The following PRPSAP1 variants were observed in gnomAD, a reference collection of about 807,000 sequenced individuals.
The protein encoded by PRPSAP1 is phosphoribosyl pyrophosphate synthase-associated protein 1.
Under a neutral mutation model 39.4 loss-of-function variants are expected in PRPSAP1, and 31 were observed. The observed-to-expected ratio is 0.79, with a 90% CI of 0.59 to 1.06. PRPSAP1 has a LOEUF of 1.06. Ranked by LOEUF, PRPSAP1 falls within the 50% of genes least tolerant of loss-of-function variation. The pLI is 0.00. For synonymous variants in PRPSAP1, 212 were observed against 192.6 expected (o/e 1.10, Z -0.83); for missense variants, 430 against 511.6 (o/e 0.84, Z 1.54).
intron 3 of PRPSAP1, among the ~76,000 whole-genome samples, chr17:76,342,170 G>A (rs1043171824): frequency 2.0e-5 from 3 of 152,110 alleles, no homozygotes; most frequent in Middle Eastern, 3.4e-3. Context: ...ATGTATATAC[G>A]ATGAGGCTCA....
chr17:76,330,174 C>T, intron 5 of PRPSAP1, 76 bp from the exon 6 acceptor site: 1 of 1,341,334 alleles, frequency 7.5e-7, no homozygotes, highest in Non-Finnish European at 1.1e-6. Flanking sequence ...TTCAAGTTTT[C>T]CCTCTTATAA....
At chr17:76,324,429 T>C (rs1446634384) in intron 7 of PRPSAP1, among the ~76,000 whole-genome samples, 2 of 151,624 alleles carry the variant, frequency 1.3e-5, no homozygotes, top group African/African-American at 2.4e-5. Flanking sequence ...TGAAACCCTG[T>C]CTCTACTAAA....
At chr17:76,346,382 C>T (rs2071501357) in intron 2 of PRPSAP1, among the ~76,000 whole-genome samples, 1 of 152,160 alleles carries the variant, frequency 6.6e-6, no homozygotes, top group African/African-American at 2.4e-5. Context: ...ACATGGCCAC[C>T]TCAGCACACA....
chr17:76,315,137 C>G (rs2071109380), intron 7 of PRPSAP1, among the ~76,000 whole-genome samples: 1 of 152,126 alleles, frequency 6.6e-6, no homozygotes, highest in Non-Finnish European at 1.5e-5. Context: ...AGACTTTTAT[C>G]TGACTGCAAA....
chr17:76,311,309 T>TA lies in PRPSAP1; in HGVS notation c.*232dup, dbSNP rs2071067794. On this transcript the variant is annotated 3_prime_UTR_variant, in exon 10 of 10. Coordinates refer to ENST00000446526, the MANE Select transcript of PRPSAP1 (RefSeq NM_002766.3). ...TTTTTAAGAAAGCAGCTAGAACTTT[T>TA]AAGGAACAGGGCTGATGACAGCAGA... 1 of 380,946 alleles carries TA rather than the reference T, an allele frequency of 2.6e-6. No homozygotes were observed. The highest frequency in any genetic ancestry group is 4.6e-6 in the Non-Finnish European group (1 of 216,554). The allele number at this position is 380,946 out of a possible 1,614,324, so 23.6% of individuals were successfully genotyped here. A position where few individuals can be genotyped will look rare whatever the true frequency, so the allele number is the denominator to read the frequency against.
chr17:76,328,733 T>G lies in PRPSAP1; in HGVS notation c.765A>C (p.Pro255=), dbSNP rs1567802594. ...TCATCTTACATGGCAACTCCAGGCCTGGGTGCACAGTAGCATTTTTGACCA... is the reference window on the plus strand; with the variant it reads ...TCATCTTACATGGCAACTCCAGGCCGGGGTGCACAGTAGCATTTTTGACCA... ...PPMVKNATVH[P]GLELPLMMAK... is the part of the protein sequence containing the mutation. Residue 255 remains proline, a synonymous_variant, in exon 7 of 10, where the codon CCA becomes CCC. Coordinates refer to ENST00000446526, the MANE Select transcript of PRPSAP1 (RefSeq NM_002766.3). The G allele has an allele frequency of 6.2e-7, 1 of 1,614,102 alleles. No homozygotes were observed.
chr17:76,338,991 C>A (rs1160514736), intron 3 of PRPSAP1, among the ~76,000 whole-genome samples: 1 of 151,650 alleles, frequency 6.6e-6, no homozygotes, highest in African/African-American at 2.4e-5. Flanking sequence ...CAAGGTCACA[C>A]CACTGCACTC....
chr17:76,328,629 CAAAA>C, intron 7 of PRPSAP1, 84 bp downstream of exon 7: 1 of 1,499,930 alleles, frequency 6.7e-7, no homozygotes, highest in Non-Finnish European at 9.0e-7. Context: ...CAAAACAAAA[CAAAA>C]CAACAACAAC....
intron 3 of PRPSAP1, among the ~76,000 whole-genome samples, chr17:76,339,039 AAAATT>A (rs1203990521): frequency 2.6e-4 from 39 of 151,948 alleles, no homozygotes; most frequent in African/African-American, 8.2e-4. Flanking sequence ...TCTCAAAAAA[AAAATT>A]AAATTAAATT....
intron 7 of PRPSAP1, among the ~76,000 whole-genome samples, chr17:76,316,646 T>C (rs1317286617): frequency 2.0e-5 from 3 of 152,234 alleles, no homozygotes; most frequent in Non-Finnish European, 4.4e-5. Flanking sequence ...TGCTCTCTCT[T>C]TCCATTTTAT....
Position 76,327,659 on chromosome 17 carries a change from A to T in PRPSAP1, c.781+1058T>A, listed in dbSNP as rs151266371. The stretch of plus-strand genomic sequence containing the variant: ...AGAGTGAGACTCCATCTCAAAATAA[A>T]TAAATAAGTAAAAATAAAAGTTACC... On this transcript the variant is annotated intron_variant, in intron 7 of 9. Coordinates refer to ENST00000446526, the MANE Select transcript of PRPSAP1 (RefSeq NM_002766.3). 2.6e-3 allele frequency among the ~76,000 whole-genome samples: 397 copies of T among 152,260 alleles called. 2 individuals carry two copies. The highest frequency in any genetic ancestry group is 9.3e-3 in the African/African-American group (387 of 41,534).
chr17:76,353,446 G>C, intron 1 of PRPSAP1, 88 bp downstream of exon 1: 1 of 1,283,796 alleles, frequency 7.8e-7, no homozygotes, highest in Non-Finnish European at 1.0e-6. Context: ...GCAGGAGGTG[G>C]GGCGGGTGGA....
At chr17:76,338,527 A>G (rs1475169273) in intron 3 of PRPSAP1, among the ~76,000 whole-genome samples, 2 of 151,852 alleles carry the variant, frequency 1.3e-5, no homozygotes, top group Non-Finnish European at 2.9e-5. Flanking sequence ...ACATGGAGAA[A>G]CCCCATCTCT....
chr17:76,348,881 G>A (rs1343613618), intron 1 of PRPSAP1, among the ~76,000 whole-genome samples: 1 of 152,152 alleles, frequency 6.6e-6, no homozygotes, highest in African/African-American at 2.4e-5. Context: ...TTGGTTACAA[G>A]CAATGATTTC....
At chr17:76,312,638 T>C (rs1345599394) in intron 9 of PRPSAP1, among the ~76,000 whole-genome samples, 1 of 152,174 alleles carries the variant, frequency 6.6e-6, no homozygotes, top group African/African-American at 2.4e-5. Context: ...ATACATTACA[T>C]CGTAATTGCA....
intron 2 of PRPSAP1, among the ~76,000 whole-genome samples, chr17:76,348,232 G>C (rs1283504474): frequency 6.6e-6 from 1 of 152,014 alleles, no homozygotes; most frequent in Admixed American, 6.6e-5. Flanking sequence ...TAGCACTTTG[G>C]GAGGCCGAGG....
At chr17:76,329,018 G>T in intron 6 of PRPSAP1, 156 bp from the exon 7 acceptor site, 1 of 857,104 alleles carries the variant, frequency 1.2e-6, no homozygotes, top group Non-Finnish European at 1.7e-6. Flanking sequence ...AGGCCAGCAT[G>T]TAAATGACTC....
At chr17:76,333,113 C>G (rs485771) in intron 3 of PRPSAP1, among the ~76,000 whole-genome samples, 46,481 of 150,950 alleles carry the variant, frequency 0.31, 8,386 homozygotes, top group African/African-American at 0.5. Context: ...GGATGGTCTT[C>G]ATCTCCTGAC....
Position 76,330,110 on chromosome 17 carries a change from G to C in PRPSAP1, c.580-12C>G. The C allele has an allele frequency of 6.2e-7, 1 of 1,607,664 alleles. No individual in the cohort carries two copies. The highest frequency in any genetic ancestry group is 8.5e-7 in the Non-Finnish European group (1 of 1,174,446). ...CTGTAATTTGGAATCTAGATTTGAA[G>C]GAAAAATAGAAAATACTGAAAAGTT... On this transcript the variant is annotated splice_polypyrimidine_tract_variant and intron_variant, in intron 5 of 9. Coordinates refer to ENST00000446526, the MANE Select transcript of PRPSAP1 (RefSeq NM_002766.3).
Sources: allele counts gnomAD v4.1 joint callset (sites outside exome capture counted in the v4.1 genomes callset), GRCh38; gene constraint gnomAD v4.1.1; transcripts MANE v1.5; gene names NCBI Gene and HGNC (gene_info 2026-07-23, HGNC 2026-07-21).